The following MXI1 variants were observed in gnomAD, a reference collection of about 807,000 sequenced individuals.
MXI1 encodes the protein max-interacting protein 1.
Under a neutral mutation model 36.9 loss-of-function variants are expected in MXI1, and 18 were observed. That is an observed-to-expected ratio of 0.49 (90% CI 0.34 to 0.72). The LOEUF (loss-of-function observed/expected upper bound fraction) is 0.72, where lower values mean the gene tolerates loss of function less well. MXI1 is among the 30% of genes least tolerant of loss of function. The pLI is 0.01. For missense variants in MXI1, 304 were observed against 379.1 expected, an observed-to-expected ratio of 0.80 and a Z score of 1.64; for synonymous variants, 160 against 146.7, an observed-to-expected ratio of 1.09 and a Z score of -0.65.
intron 1 of MXI1, among the ~76,000 whole-genome samples, chr10:110,215,992 C>T (rs1041529310): frequency 6.6e-6 from 1 of 152,248 alleles, no homozygotes; most frequent in Admixed American, 6.5e-5. Flanking sequence ...TCTCTGATGT[C>T]ATTGTACCCG....
chr10:110,219,380 C>T (rs888780920), intron 1 of MXI1, among the ~76,000 whole-genome samples: 10 of 152,200 alleles, frequency 6.6e-5, no homozygotes, highest in Non-Finnish European at 1.2e-4. Context: ...TCAATAGCTT[C>T]TTTCCTGCCT....
At chr10:110,228,399 G>A in intron 2 of MXI1, 78 bp downstream of exon 2, 1 of 1,562,770 alleles carries the variant, frequency 6.4e-7, no homozygotes, top group East Asian at 2.3e-5. Context: ...GTCTGAAGGA[G>A]CAGCACTTGA....
intron 1 of MXI1, among the ~76,000 whole-genome samples, chr10:110,212,966 G>T (rs974008158): frequency 6.6e-6 from 1 of 152,192 alleles, no homozygotes; most frequent in African/African-American, 2.4e-5. Context: ...ACACCACTGG[G>T]CATACAGTAG....
chr10:110,234,858 G>GAAAT (rs1855400397), intron 2 of MXI1, among the ~76,000 whole-genome samples: 1 of 152,036 alleles, frequency 6.6e-6, no homozygotes, highest in South Asian at 2.1e-4. Context: ...CCTTACCTAA[G>GAAAT]AAATATTATT....
chr10:110,247,178 C>A (rs532516882), intron 3 of MXI1, among the ~76,000 whole-genome samples: 1 of 152,190 alleles, frequency 6.6e-6, no homozygotes, highest in East Asian at 1.9e-4. Context: ...GCTGCATAAA[C>A]GTCTTCTTTC....
rs1590314951 is a variant in MXI1 at position 110,207,722 on chromosome 10, A to T, written c.-87A>T. ...TTCGCCCCGGCGCCTTCTCTGCTCC[A>T]GCCGGCCGGGTCTCCCTGGGGGCCC... On this transcript the variant is annotated 5_prime_UTR_variant, in exon 1 of 6. Coordinates refer to ENST00000332674, the MANE Select transcript of MXI1 (RefSeq NM_130439.3). 1.1e-6 allele frequency: 1 copy of T among 945,318 alleles called. No homozygotes were observed. Among genetic ancestry groups the T allele is most frequent in the Non-Finnish European group, 1.3e-6 (1 of 774,028 alleles). The allele number at this position is 945,318 out of a possible 1,614,324, so 58.6% of individuals were successfully genotyped here.
chr10:110,256,202 T>C (rs1856286376), intron 3 of MXI1, among the ~76,000 whole-genome samples: 1 of 152,210 alleles, frequency 6.6e-6, no homozygotes, highest in Non-Finnish European at 1.5e-5. Context: ...ATAAAATTCT[T>C]AGAATAAAAC....
At position 110,284,943 on chromosome 10, in the gene MXI1, G is replaced by A. The variant is rs1364590918; in HGVS notation, c.844G>A (p.Glu282Lys). Residue 282 changes from glutamate to lysine, a missense_variant, in exon 6 of 6, where the codon GAG becomes AAG. Physicochemically the swap from Glu to Lys is moderately conservative, Grantham distance 56 (BLOSUM62 1). This residue lies in a region of MXI1 where 125 missense variants were observed against 194.3 expected (regional missense o/e 0.64). Transcript: ENST00000332674. ...HSSLPSIGSD[E>K]GYSSASVKLS... is the part of the protein sequence containing the mutation. ...CAGCCTGCCGAGTATTGGGAGTGAC[G>A]AGGGTTACTCCAGTGCCAGTGTCAA... 10 of 1,613,848 alleles carry A rather than the reference G, an allele frequency of 6.2e-6. No homozygotes were observed. Among genetic ancestry groups the A allele is most frequent in the Admixed American group, 3.3e-5 (2 of 59,990 alleles).
chr10:110,259,558 G>A (rs974936123), intron 3 of MXI1, among the ~76,000 whole-genome samples: 1 of 152,006 alleles, frequency 6.6e-6, no homozygotes, highest in Non-Finnish European at 1.5e-5. Flanking sequence ...TTCATTTAAA[G>A]ATAATTTCTA....
chr10:110,235,697 AT>A lies in MXI1; in HGVS notation c.407+7377del, dbSNP rs1184535350. ...AGCAAGACTCTGTCTCAAAAAATAA[AT>A]AAATAAATAAATAAATAAATAAGCT... is the stretch of plus-strand genomic sequence containing the variant. On this transcript the variant is annotated intron_variant, in intron 2 of 5. Transcript: ENST00000332674. Among the ~76,000 whole-genome samples the A allele has an allele frequency of 4.6e-4, 51 of 110,244 alleles. 3 individuals carry two copies. Among genetic ancestry groups the A allele is most frequent in the Admixed American group, 8.4e-4 (10 of 11,930 alleles). The allele number at this position is 110,244 out of a possible 152,430, so 72.3% of individuals were successfully genotyped here.
chr10:110,284,891 C>T lies in MXI1; in HGVS notation c.792C>T (p.Thr264=), dbSNP rs534459554. Residue 264 remains threonine (T), a synonymous_variant, in exon 6 of 6, where the codon ACC becomes ACT. Transcript: ENST00000332674. ...GAGAAGTGGACAATATAAGTACCAC[C>T]AGCATCAGTGACATTGATGACCACA... ...SHGEVDNIST[T]SISDIDDHSS... 2 of 1,613,776 alleles carry T rather than the reference C, an allele frequency of 1.2e-6. No individual in the cohort carries two copies. The highest frequency in any genetic ancestry group is 1.3e-5 in the African/African-American group (1 of 74,844).
At position 110,242,695 on chromosome 10, in the gene MXI1, A is replaced by C. The variant is rs1314154807; in HGVS notation, c.408-2133A>C. 2.0e-5 allele frequency among the ~76,000 whole-genome samples: 3 copies of C among 152,028 alleles called. No homozygotes were observed. In the East Asian group the frequency reaches 5.8e-4, roughly 29 times the overall value. On this transcript the variant is annotated intron_variant, in intron 2 of 5. Coordinates refer to ENST00000332674, the MANE Select transcript of MXI1 (RefSeq NM_130439.3). ...TTAATTTTGTTCACAGCAGTGGGTC[A>C]GATTATGATCTTTTGGAGCTAGCTT...
At chr10:110,220,991 A>G (rs1173952190) in intron 1 of MXI1, among the ~76,000 whole-genome samples, 1 of 152,232 alleles carries the variant, frequency 6.6e-6, no homozygotes, top group African/African-American at 2.4e-5. Flanking sequence ...CTAATGAAGA[A>G]AACTACTTCG....
At chr10:110,212,724 C>A (rs1343586734) in intron 1 of MXI1, among the ~76,000 whole-genome samples, 2 of 152,148 alleles carry the variant, frequency 1.3e-5, no homozygotes, top group Non-Finnish European at 2.9e-5. Context: ...AATAGTATGA[C>A]CCTCATATCA....
intron 3 of MXI1, among the ~76,000 whole-genome samples, chr10:110,265,847 C>G (rs1012914930): frequency 1.3e-5 from 2 of 152,080 alleles, no homozygotes; most frequent in Non-Finnish European, 2.9e-5. Context: ...TTGGAGTTTG[C>G]CGTAATTGGT....
At chr10:110,243,897 T>A (rs1344240209) in intron 2 of MXI1, among the ~76,000 whole-genome samples, 1 of 151,914 alleles carries the variant, frequency 6.6e-6, no homozygotes, top group African/African-American at 2.4e-5. Context: ...GGCCTTAGAG[T>A]CTGTGCCCTT....
At chr10:110,277,013 CTT>C (rs1214378380) in intron 3 of MXI1, among the ~76,000 whole-genome samples, 2 of 151,850 alleles carry the variant, frequency 1.3e-5, no homozygotes, top group East Asian at 3.9e-4. Flanking sequence ...GCGCAGCTAA[CTT>C]TTATATTTTT....
chr10:110,285,986 G>C lies in MXI1; in HGVS notation c.*999G>C, dbSNP rs1857418977. On this transcript the variant is annotated 3_prime_UTR_variant, in exon 6 of 6. Coordinates refer to ENST00000332674, the MANE Select transcript of MXI1 (RefSeq NM_130439.3). ...GTCTTTTATAGTGGAAAAACACATGGGGAAAAAAATCATCTATTTTGATGC... is the reference window on the plus strand; with the variant it reads ...GTCTTTTATAGTGGAAAAACACATGCGGAAAAAAATCATCTATTTTGATGC... 6.6e-6 allele frequency: 1 copy of C among 152,472 alleles called. No homozygotes were observed. The highest frequency in any genetic ancestry group is 2.1e-4 in the South Asian group (1 of 4,820). 9.4% of individuals were successfully genotyped at this position (152,472 alleles called of 1,614,324 possible).
At chr10:110,253,926 A>G (rs1022212154) in intron 3 of MXI1, among the ~76,000 whole-genome samples, 1 of 152,098 alleles carries the variant, frequency 6.6e-6, no homozygotes, top group Non-Finnish European at 1.5e-5. Flanking sequence ...CTTTCTCCCT[A>G]AGATCAGAAA....
Sources: gnomAD v4.1 joint callset for allele counts (sites outside exome capture counted in the v4.1 genomes callset) on GRCh38, gnomAD v4.1.1 for gene constraint, gnomAD v4.1.1 regional missense constraint, MANE v1.5 for transcripts, NCBI Gene and HGNC (gene_info 2026-07-23, HGNC 2026-07-21) for gene names.